Variants in HHAT observed in about 807,000 individuals in gnomAD.
HHAT encodes protein-cysteine N-palmitoyltransferase HHAT.
In HHAT, 47 loss-of-function variants were observed where a neutral mutation model predicts 70.8. The ratio of observed to expected loss-of-function variants is 0.66; its 90% CI spans 0.53 to 0.85. The LOEUF is 0.85. HHAT is among the 40% of genes least tolerant of loss of function. The probability of loss-of-function intolerance (pLI) is 0.00; values close to 1 mark genes in which losing one functional copy is unlikely to be tolerated. For synonymous variants in HHAT, 228 were observed against 247.6 expected, an observed-to-expected ratio of 0.92 and a Z score of 0.74; for missense variants, 609 against 604.8, an observed-to-expected ratio of 1.01 and a Z score of -0.07.
intron 7 of HHAT, among the ~76,000 whole-genome samples, chr1:210,432,964 T>G (rs1170117640): frequency 6.6e-6 from 1 of 151,874 alleles, no homozygotes; most frequent in Non-Finnish European, 1.5e-5. Flanking sequence ...TCTGTCACTT[T>G]TAACCTCTCG....
chr1:210,641,749 G>A (rs761354131), intron 11 of HHAT, among the ~76,000 whole-genome samples: 5 of 152,130 alleles, frequency 3.3e-5, no homozygotes, highest in Admixed American at 6.5e-5. Flanking sequence ...GCACATACGC[G>A]TACCTCATAT....
At chr1:210,537,095 C>T (rs948298216) in intron 9 of HHAT, among the ~76,000 whole-genome samples, 1 of 151,740 alleles carries the variant, frequency 6.6e-6, no homozygotes, top group Non-Finnish European at 1.5e-5. Flanking sequence ...GATACATCCT[C>T]ACCCAACTGC....
Position 210,513,135 on chromosome 1 carries a change from T to A in HHAT, c.1008-18T>A, listed in dbSNP as rs368677214. On this transcript the variant is annotated intron_variant, in intron 8 of 11. Coordinates refer to ENST00000261458, the MANE Select transcript of HHAT (RefSeq NM_018194.6). ...AATATCTTTTATTGATATGCTTGTC[T>A]ATGTCTCTTTTGAACAGGTATTTTG... 19 of 1,469,988 alleles carry A rather than the reference T, an allele frequency of 1.3e-5. No individual in the cohort carries two copies. In the African/African-American group the frequency reaches 2.2e-4, roughly 17 times the overall value. The allele number at this position is 1,469,988 out of a possible 1,614,324, so 91.1% of individuals were successfully genotyped here.
intron 8 of HHAT, among the ~76,000 whole-genome samples, chr1:210,475,009 A>C (rs4844529): frequency 0.38 from 55,404 of 146,086 alleles, 10,530 homozygotes; most frequent in East Asian, 0.6. Context: ...GGCCACCACA[A>C]CTAGCTATTT....
At chr1:210,637,926 T>C (rs1672213001) in intron 11 of HHAT, among the ~76,000 whole-genome samples, 1 of 151,562 alleles carries the variant, frequency 6.6e-6, no homozygotes, top group Non-Finnish European at 1.5e-5. Context: ...TACAAATGAT[T>C]AATAAGCACA....
chr1:210,404,380 G>A (rs1315695991), intron 5 of HHAT, 84 bp from the exon 6 acceptor site: 1 of 1,010,740 alleles, frequency 9.9e-7, no homozygotes, highest in South Asian at 1.4e-5. Flanking sequence ...GATGACGGTG[G>A]CCCTGCTGGC....
At chr1:210,667,775 T>C (rs1679234228) in intron 11 of HHAT, among the ~76,000 whole-genome samples, 1 of 152,220 alleles carries the variant, frequency 6.6e-6, no homozygotes, top group Admixed American at 6.5e-5. Context: ...TATACTGTAT[T>C]ATTTTGCCAA....
At chr1:210,597,378 G>A (rs1190046915) in intron 10 of HHAT, among the ~76,000 whole-genome samples, 1 of 152,176 alleles carries the variant, frequency 6.6e-6, no homozygotes, top group African/African-American at 2.4e-5. Flanking sequence ...TAATCAGCAG[G>A]TGGCAAAGGC....
chr1:210,368,502 G>T (rs1164044337), intron 3 of HHAT, among the ~76,000 whole-genome samples: 1 of 152,040 alleles, frequency 6.6e-6, no homozygotes, highest in Admixed American at 6.5e-5. Flanking sequence ...TGTCGGCCAG[G>T]CTGGTCTTGA....
At chr1:210,645,916 C>T (rs1411892956) in intron 11 of HHAT, among the ~76,000 whole-genome samples, 1 of 152,048 alleles carries the variant, frequency 6.6e-6, no homozygotes. Context: ...TTTTTTTGAT[C>T]ACTTTGGCCA....
At chr1:210,387,151 A>G (rs1225710414) in intron 3 of HHAT, among the ~76,000 whole-genome samples, 8 of 152,146 alleles carry the variant, frequency 5.3e-5, no homozygotes, top group Non-Finnish European at 1.2e-4. Flanking sequence ...TAATAATAGC[A>G]TCTATACTAC....
At chr1:210,336,287 A>ATTTTTTT (rs541795412) in intron 1 of HHAT, among the ~76,000 whole-genome samples, 3,349 of 84,488 alleles carry the variant, frequency 0.04, 437 homozygotes, top group African/African-American at 0.06. Context: ...TGCCTGGCTA[A>ATTTTTTT]TTTTTTTTTT....
chr1:210,593,232 G>GT (rs147980930), intron 10 of HHAT, among the ~76,000 whole-genome samples: 2,262 of 152,076 alleles, frequency 0.015, 67 homozygotes, highest in African/African-American at 0.052. Context: ...CTAATTTTGG[G>GT]TTTGTTTTGC....
chr1:210,337,850 A>T (rs866387561), intron 1 of HHAT, among the ~76,000 whole-genome samples: 2 of 151,798 alleles, frequency 1.3e-5, no homozygotes, highest in African/African-American at 4.8e-5. Context: ...CACAGAGGGG[A>T]TCTATTTTGT....
At chr1:210,347,164 C>G (rs1418560812) in intron 1 of HHAT, among the ~76,000 whole-genome samples, 1 of 152,174 alleles carries the variant, frequency 6.6e-6, no homozygotes, top group East Asian at 1.9e-4. Context: ...ACATCTTCCC[C>G]ACTTCCCCCG....
intron 8 of HHAT, among the ~76,000 whole-genome samples, chr1:210,494,212 T>C (rs1210913236): frequency 6.6e-6 from 1 of 152,130 alleles, no homozygotes; most frequent in East Asian, 1.9e-4. Context: ...TGGGGAACAA[T>C]TGTAGCATTA....
At chr1:210,499,071 G>A (rs2094704888) in intron 8 of HHAT, among the ~76,000 whole-genome samples, 1 of 151,988 alleles carries the variant, frequency 6.6e-6, no homozygotes, top group East Asian at 1.9e-4. Flanking sequence ...CCCAGCCCTT[G>A]CAGTTTATTT....
chr1:210,639,971 T>C (rs1672666382), intron 11 of HHAT, among the ~76,000 whole-genome samples: 1 of 152,202 alleles, frequency 6.6e-6, no homozygotes, highest in Non-Finnish European at 1.5e-5. Context: ...TAGTGACTCT[T>C]GATTGGAATG....
chr1:210,587,791 A>T, intron 9 of HHAT, 107 bp from the exon 10 acceptor site: 1 of 822,286 alleles, frequency 1.2e-6, no homozygotes, highest in Non-Finnish European at 2.0e-6. Flanking sequence ...GTGAGGAAGG[A>T]TCTGCATATG....
Sources: gnomAD v4.1 joint callset for allele counts (sites outside exome capture counted in the v4.1 genomes callset) on GRCh38, gnomAD v4.1.1 for gene constraint, MANE v1.5 for transcripts, NCBI Gene and HGNC (gene_info 2026-07-23, HGNC 2026-07-21) for gene names.